Variants in DNER observed in about 807,000 individuals in gnomAD.
DNER encodes the protein delta/notch like EGF repeat containing.
Under a neutral mutation model 78.2 loss-of-function variants are expected in DNER, and 33 were observed. That is an observed-to-expected ratio of 0.42 (90% CI 0.32 to 0.56). The LOEUF is 0.56. Ranked by LOEUF, DNER falls within the 20% of genes least tolerant of loss-of-function variation. DNER has a pLI of 0.11. For missense variants in DNER, 918 were observed against 975.3 expected (o/e 0.94, Z 0.78); for synonymous variants, 417 against 384.8 (o/e 1.08, Z -0.98).
At chr2:229,709,323 A>G (rs1039947775) in intron 1 of DNER, among the ~76,000 whole-genome samples, 4 of 152,248 alleles carry the variant, frequency 2.6e-5, no homozygotes, top group African/African-American at 7.2e-5. Context: ...TTGTTAGTCC[A>G]TGTTAGAGAT....
chr2:229,695,727 C>T (rs1169358510), intron 1 of DNER, among the ~76,000 whole-genome samples: 2 of 152,128 alleles, frequency 1.3e-5, no homozygotes, highest in South Asian at 4.1e-4. Flanking sequence ...TACCTCTTTC[C>T]CAGTATTCCA....
chr2:229,374,151 C>T (rs935462621), intron 11 of DNER, among the ~76,000 whole-genome samples: 1 of 151,692 alleles, frequency 6.6e-6, no homozygotes, highest in Non-Finnish European at 1.5e-5. Context: ...CTGGGTGAGA[C>T]CCTGTCTTAA....
intron 4 of DNER, among the ~76,000 whole-genome samples, chr2:229,559,401 AT>A (rs1202301020): frequency 2.6e-5 from 4 of 152,218 alleles, no homozygotes; most frequent in African/African-American, 9.6e-5. Flanking sequence ...GACCATCATC[AT>A]ACTAGAAAAA....
chr2:229,464,874 G>C, intron 7 of DNER, among the ~76,000 whole-genome samples: 1 of 152,278 alleles, frequency 6.6e-6, no homozygotes, highest in East Asian at 1.9e-4. Flanking sequence ...CTGTAGCATT[G>C]GATGTAAGGT....
intron 8 of DNER, among the ~76,000 whole-genome samples, chr2:229,439,663 T>C (rs918357727): frequency 6.6e-6 from 1 of 152,208 alleles, no homozygotes; most frequent in South Asian, 2.1e-4. Flanking sequence ...TTCAACCACA[T>C]AGTAAGAGTC....
intron 5 of DNER, among the ~76,000 whole-genome samples, chr2:229,515,889 G>A (rs533448005): frequency 4.1e-4 from 63 of 152,056 alleles, no homozygotes; most frequent in African/African-American, 1.1e-3. Context: ...TGATCCTCCC[G>A]CCTCGGCCTC....
chr2:229,473,542 T>C (rs1385232873), intron 7 of DNER, among the ~76,000 whole-genome samples: 1 of 152,164 alleles, frequency 6.6e-6, no homozygotes, highest in African/African-American at 2.4e-5. Context: ...TGATTCTCAT[T>C]GTTGTGAGAG....
intron 12 of DNER, among the ~76,000 whole-genome samples, chr2:229,363,600 T>A (rs905114051): frequency 2.6e-5 from 4 of 152,228 alleles, no homozygotes; most frequent in African/African-American, 4.8e-5. Context: ...CACTGGTGCA[T>A]GCAGGAGCTT....
At chr2:229,362,487 T>A (rs1391585195) in intron 12 of DNER, among the ~76,000 whole-genome samples, 1 of 152,186 alleles carries the variant, frequency 6.6e-6, no homozygotes, top group Non-Finnish European at 1.5e-5. Context: ...AATCAGCACA[T>A]CCTCCTTCTC....
intron 1 of DNER, among the ~76,000 whole-genome samples, chr2:229,638,249 T>G (rs759485439): frequency 6.6e-6 from 1 of 152,180 alleles, no homozygotes; most frequent in Non-Finnish European, 1.5e-5. Context: ...CATAAAGAAC[T>G]TAAAAGAACC....
intron 7 of DNER, among the ~76,000 whole-genome samples, chr2:229,449,705 T>G (rs1480162378): frequency 6.6e-6 from 1 of 152,228 alleles, no homozygotes; most frequent in Non-Finnish European, 1.5e-5. Flanking sequence ...GGTACCAGTT[T>G]GCCCAAATCA....
intron 4 of DNER, among the ~76,000 whole-genome samples, chr2:229,573,765 G>A (rs150116292): frequency 3.3e-5 from 5 of 152,260 alleles, no homozygotes; most frequent in Non-Finnish European, 7.4e-5. Flanking sequence ...ACTAGAACTT[G>A]GCAATGTGAT....
chr2:229,364,829 C>T lies in DNER; in HGVS notation c.2102+2044G>A, dbSNP rs574811363. On this transcript the variant is annotated intron_variant, in intron 12 of 12. Coordinates refer to ENST00000341772, the MANE Select transcript of DNER (RefSeq NM_139072.4). ...TCAGATAGAATAATTTGGGTTTTCT[C>T]ATGTCTCTCTCTCTCTTTTTTTTTT... Among the ~76,000 whole-genome samples, 23 of 146,530 alleles carry T rather than the reference C, an allele frequency of 1.6e-4. No homozygotes were observed. The East Asian group carries it at 4.4e-3, about 28-fold the overall frequency.
In DNER at chr2:229,388,371, A is replaced by G; in HGVS notation, c.1749T>C (p.Asn583=). ...GGTGGCAGGGGTTACTGTCACATTC[A>G]TTTATGTCAATGTCGCACTCTTCAC... ...FTGEECDIDI[N]ECDSNPCHHG... is the part of the protein sequence containing the mutation. The change falls in exon 11 of 13, where the codon AAT becomes AAC. Residue 583 remains asparagine (N), a synonymous_variant. Coordinates refer to ENST00000341772, the MANE Select transcript of DNER (RefSeq NM_139072.4). 1 of 1,611,514 alleles carries G rather than the reference A, an allele frequency of 6.2e-7. No homozygotes were observed.
chr2:229,682,885 T>C (rs746092636), intron 1 of DNER, among the ~76,000 whole-genome samples: 3 of 151,442 alleles, frequency 2.0e-5, no homozygotes, highest in Non-Finnish European at 4.4e-5. Flanking sequence ...AATGAGAGAG[T>C]GACAGTGAGA....
chr2:229,532,746 T>G (rs1364510574), intron 5 of DNER, among the ~76,000 whole-genome samples: 1 of 152,248 alleles, frequency 6.6e-6, no homozygotes, highest in Non-Finnish European at 1.5e-5. Context: ...AAAAAGTTGG[T>G]TTTAACCACT....
At chr2:229,491,393 T>C (rs1304889861) in intron 6 of DNER, among the ~76,000 whole-genome samples, 9 of 152,128 alleles carry the variant, frequency 5.9e-5, no homozygotes, top group Non-Finnish European at 4.4e-5. Context: ...ACTAATCCCA[T>C]TCATCAGGTG....
chr2:229,635,464 T>C (rs1698514809), intron 1 of DNER, among the ~76,000 whole-genome samples: 1 of 151,870 alleles, frequency 6.6e-6, no homozygotes, highest in African/African-American at 2.4e-5. Flanking sequence ...CTGATCTGAT[T>C]AGATGTCTGC....
At chr2:229,677,665 A>C (rs1699319308) in intron 1 of DNER, among the ~76,000 whole-genome samples, 1 of 152,222 alleles carries the variant, frequency 6.6e-6, no homozygotes, top group Non-Finnish European at 1.5e-5. Context: ...ATATTCAAAG[A>C]AAAGGTTCTA....
Sources: gnomAD v4.1 joint callset for allele counts (sites outside exome capture counted in the v4.1 genomes callset) on GRCh38, gnomAD v4.1.1 for gene constraint, MANE v1.5 for transcripts, NCBI Gene and HGNC (gene_info 2026-07-23, HGNC 2026-07-21) for gene names.